FSHR: variants seen among roughly 807,000 people sequenced by gnomAD.
FSHR encodes follicle stimulating hormone receptor.
A neutral mutation model predicts 52.1 loss-of-function variants in FSHR; 46 were observed. The ratio of observed to expected loss-of-function variants is 0.88; its 90% confidence interval spans 0.70 to 1.13. The LOEUF is 1.13. FSHR is among the 50% of genes most tolerant of loss of function. FSHR has a pLI of 0.00. For missense variants in FSHR, 964 were observed against 834.6 expected, an observed-to-expected ratio of 1.16 and a Z score of -1.91; for synonymous variants, 399 against 309.6, an observed-to-expected ratio of 1.29 and a Z score of -3.03.
At chr2:48,987,563 G>T (rs1307321085) in intron 6 of FSHR, among the ~76,000 whole-genome samples, 1 of 151,948 alleles carries the variant, frequency 6.6e-6, no homozygotes, top group Non-Finnish European at 1.5e-5. Context: ...TGATTATTCT[G>T]TTCCCTCTGC....
intron 1 of FSHR, among the ~76,000 whole-genome samples, chr2:49,148,598 C>T (rs184469865): frequency 3.6e-4 from 54 of 151,978 alleles, no homozygotes; most frequent in Middle Eastern, 3.4e-3. Flanking sequence ...AAAAATTAAA[C>T]GCAAGGCAAG....
intron 1 of FSHR, among the ~76,000 whole-genome samples, chr2:49,127,387 T>C (rs1672043043): frequency 6.6e-6 from 1 of 150,444 alleles, no homozygotes; most frequent in Admixed American, 6.6e-5. Flanking sequence ...AAGTGAAATA[T>C]CTGAGCATAT....
At chr2:49,013,034 G>T (rs1482365206) in intron 4 of FSHR, among the ~76,000 whole-genome samples, 1 of 151,830 alleles carries the variant, frequency 6.6e-6, no homozygotes, top group Non-Finnish European at 1.5e-5. Flanking sequence ...TATAAGATAA[G>T]ACACCAGAAA....
intron 1 of FSHR, among the ~76,000 whole-genome samples, chr2:49,153,153 T>G (rs1310201381): frequency 1.3e-5 from 2 of 152,182 alleles, no homozygotes; most frequent in Non-Finnish European, 2.9e-5. Context: ...TGAGTGAAAA[T>G]CTGAAATGCA....
chr2:49,033,281 T>A (rs1668164329), intron 2 of FSHR, among the ~76,000 whole-genome samples: 1 of 152,120 alleles, frequency 6.6e-6, no homozygotes, highest in Non-Finnish European at 1.5e-5. Flanking sequence ...CAGAGTTGAG[T>A]GTGATTTTTT....
At chr2:49,087,376 A>T (rs1670440342) in intron 1 of FSHR, among the ~76,000 whole-genome samples, 1 of 152,102 alleles carries the variant, frequency 6.6e-6, no homozygotes, top group Non-Finnish European at 1.5e-5. Flanking sequence ...GGAGTCCAAG[A>T]TGAAGAATCA....
At chr2:49,123,433 G>A (rs1219655719) in intron 1 of FSHR, among the ~76,000 whole-genome samples, 2 of 152,228 alleles carry the variant, frequency 1.3e-5, no homozygotes, top group South Asian at 2.1e-4. Flanking sequence ...GTTGCAGTGA[G>A]CCATGATCGC....
chr2:49,086,675 C>G (rs569829159), intron 1 of FSHR, among the ~76,000 whole-genome samples: 107 of 152,290 alleles, frequency 7.0e-4, no homozygotes, highest in African/African-American at 2.4e-3. Context: ...AAGTCTTGCT[C>G]TTTTGCCGAG....
At chr2:49,071,253 C>A (rs1310567563) in intron 1 of FSHR, among the ~76,000 whole-genome samples, 2 of 152,022 alleles carry the variant, frequency 1.3e-5, no homozygotes, top group African/African-American at 4.8e-5. Flanking sequence ...AAACACAAAT[C>A]CACTTCCAGA....
At chr2:48,991,958 G>A (rs1395096881) in intron 4 of FSHR, among the ~76,000 whole-genome samples, 3 of 151,220 alleles carry the variant, frequency 2.0e-5, no homozygotes, top group Non-Finnish European at 4.4e-5. Context: ...CTTGTTCTCT[G>A]CTTCTGTATT....
At chr2:49,010,042 T>C (rs1380270676) in intron 4 of FSHR, among the ~76,000 whole-genome samples, 1 of 95,782 alleles carries the variant, frequency 1.0e-5, no homozygotes, top group Non-Finnish European at 2.6e-5. Context: ...TTAATTGCCC[T>C]GGCCAGAACT....
At chr2:49,049,449 A>G (rs1668775287) in intron 2 of FSHR, among the ~76,000 whole-genome samples, 1 of 152,064 alleles carries the variant, frequency 6.6e-6, no homozygotes, top group Non-Finnish European at 1.5e-5. Flanking sequence ...TTAGTTGCTC[A>G]ATGAGAGGTA....
intron 8 of FSHR, among the ~76,000 whole-genome samples, chr2:48,974,241 C>T (rs188721525): frequency 1.3e-4 from 20 of 152,298 alleles, no homozygotes; most frequent in Non-Finnish European, 1.8e-4. Context: ...AGAAGACAGA[C>T]ATGCCTTGGG....
chr2:49,091,977 A>G (rs1352631646), intron 1 of FSHR, among the ~76,000 whole-genome samples: 1 of 152,218 alleles, frequency 6.6e-6, no homozygotes, highest in Non-Finnish European at 1.5e-5. Context: ...AGAATTAACT[A>G]TAGTGAATTT....
chr2:49,115,219 C>T (rs917060628), intron 1 of FSHR, among the ~76,000 whole-genome samples: 4 of 151,484 alleles, frequency 2.6e-5, no homozygotes, highest in Admixed American at 1.3e-4. Flanking sequence ...GAGAGATTGT[C>T]GCATTTGGAC....
intron 6 of FSHR, among the ~76,000 whole-genome samples, chr2:48,983,961 A>G (rs563440759): frequency 1.3e-5 from 2 of 152,188 alleles, no homozygotes; most frequent in East Asian, 3.9e-4. Context: ...TCCTGAGTGG[A>G]TCTGAAAACA....
In FSHR at chr2:49,017,533, G is replaced by A. The variant is rs1667531603; in HGVS notation, c.330C>T (p.Tyr110=). 1 of 1,613,532 alleles carries A rather than the reference G, an allele frequency of 6.2e-7. No homozygotes were observed. The highest frequency in any genetic ancestry group is 8.5e-7 in the Non-Finnish European group (1 of 1,179,620). The change falls in exon 4 of 10, where the codon TAC becomes TAT. Residue 110 remains tyrosine (Y), a synonymous_variant. Coordinates refer to ENST00000406846, the MANE Select transcript of FSHR (RefSeq NM_000145.4). ...IRIEKANNLL[Y]INPEAFQNLP... is the part of the protein sequence containing the mutation. ...GGTTCTGGAAGGCCTCAGGGTTGAT[G>A]TAGAGCAGGTTGTTGGCCTTTTCAA...
intron 1 of FSHR, among the ~76,000 whole-genome samples, chr2:49,116,303 C>A (rs1671598285): frequency 6.6e-6 from 1 of 152,142 alleles, no homozygotes; most frequent in South Asian, 2.1e-4. Context: ...GTTTTCTCCA[C>A]TGCCATATGG....
At chr2:49,128,940 G>C (rs1235405710) in intron 1 of FSHR, among the ~76,000 whole-genome samples, 2 of 151,728 alleles carry the variant, frequency 1.3e-5, no homozygotes, top group Non-Finnish European at 2.9e-5. Flanking sequence ...TTTTAGACCA[G>C]AAAATTTAAC....
Sources: allele counts gnomAD v4.1 joint callset (sites outside exome capture counted in the v4.1 genomes callset), GRCh38; gene constraint gnomAD v4.1.1; transcripts MANE v1.5; gene names NCBI Gene and HGNC (gene_info 2026-07-23, HGNC 2026-07-21).